YPEL2: variants seen among roughly 807,000 people sequenced by gnomAD.
YPEL2 encodes protein yippee-like 2.
A neutral mutation model predicts 19.1 loss-of-function variants in YPEL2; 2 were observed. The observed-to-expected ratio is 0.10, with a 90% confidence interval of 0.04 to 0.33. YPEL2 has a LOEUF of 0.33. Ranked by LOEUF, YPEL2 falls within the 10% of genes least tolerant of loss-of-function variation. The pLI, the probability that YPEL2 is intolerant of heterozygous loss-of-function variation, is 1.00. For missense variants in YPEL2, 66 were observed against 140.7 expected (o/e 0.47, Z 2.68); for synonymous variants, 52 against 50.0 (o/e 1.04, Z -0.17).
At chr17:59,339,235 A>G (rs2047715280) in intron 1 of YPEL2, among the ~76,000 whole-genome samples, 2 of 151,868 alleles carry the variant, frequency 1.3e-5, no homozygotes, top group South Asian at 4.1e-4. Context: ...AACTTTCAGG[A>G]CAGGTTACGT....
In YPEL2 at chr17:59,331,823, G is replaced by A. The variant is rs1330819087; in HGVS notation, c.-197G>A. 2.0e-5 allele frequency: 3 copies of A among 151,694 alleles called. No individual in the cohort carries two copies. Among genetic ancestry groups the A allele is most frequent in the Non-Finnish European group, 4.4e-5 (3 of 67,908 alleles). The allele number at this position is 151,694 out of a possible 1,614,324, so 9.4% of individuals were successfully genotyped here. On this transcript the variant is annotated splice_region_variant and 5_prime_UTR_variant, in exon 1 of 5. Transcript: ENST00000312655. The stretch of plus-strand genomic sequence containing the variant: ...TGGCCGGACAGGGCCGCCTGTCGCC[G>A]GGTAAGTGCACCGGAGTGCGGCGCG...
rs1228546809 is a variant in YPEL2, at chr17:59,400,047, AG to A, written c.*2859del. The A allele has an allele frequency of 2.6e-5, 4 of 152,656 alleles. No homozygotes were observed. The highest frequency in any genetic ancestry group is 5.9e-5 in the Non-Finnish European group (4 of 68,090). 9.5% of individuals were successfully genotyped at this position (152,656 alleles called of 1,614,324 possible). On this transcript the variant is annotated 3_prime_UTR_variant, in exon 5 of 5. Coordinates refer to ENST00000312655, the MANE Select transcript of YPEL2 (RefSeq NM_001005404.4). ...AGCTCCATCTCCCCTGTGCCACCCT[AG>A]GTCATATGACCTTGGCCACCTTGGA...
At chr17:59,378,131 G>T (rs1481613857) in intron 2 of YPEL2, among the ~76,000 whole-genome samples, 1 of 152,020 alleles carries the variant, frequency 6.6e-6, no homozygotes, top group African/African-American at 2.4e-5. Flanking sequence ...TGAACATCAG[G>T]CAACACGACA....
In YPEL2 at chr17:59,369,840, C is replaced by CT. The variant is rs1251689944; in HGVS notation, c.117+16318dup. ...AAGGAAACAGCTCTTTGGAGGCCTT[C>CT]TTTTAATTATCCTAACAATAGCCAT... On this transcript the variant is annotated intron_variant, in intron 2 of 4. Transcript: ENST00000312655. Among the ~76,000 whole-genome samples the CT allele has an allele frequency of 3.3e-5, 5 of 152,206 alleles. No homozygotes were observed. The East Asian group carries it at 9.6e-4, about 29-fold the overall frequency.
At chr17:59,389,302 G>C (rs2047996293) in intron 3 of YPEL2, 58 bp from the exon 4 acceptor site, 1 of 1,478,968 alleles carries the variant, frequency 6.8e-7, no homozygotes, top group Non-Finnish European at 9.3e-7. Flanking sequence ...AGCTCAGCTT[G>C]AATGCCTGAT....
At chr17:59,374,791 C>A (rs2047912615) in intron 2 of YPEL2, among the ~76,000 whole-genome samples, 1 of 152,070 alleles carries the variant, frequency 6.6e-6, no homozygotes, top group African/African-American at 2.4e-5. Flanking sequence ...AACTTTTGAC[C>A]CGAAAGCCGA....
At chr17:59,380,653 A>C (rs2047944760) in intron 2 of YPEL2, among the ~76,000 whole-genome samples, 1 of 152,224 alleles carries the variant, frequency 6.6e-6, no homozygotes, top group Non-Finnish European at 1.5e-5. Flanking sequence ...TGTGGCTCAG[A>C]GAGGTTAATG....
chr17:59,342,422 CA>C (rs765370774), intron 1 of YPEL2, among the ~76,000 whole-genome samples: 34 of 152,226 alleles, frequency 2.2e-4, no homozygotes, highest in Non-Finnish European at 4.3e-4. Flanking sequence ...TGGACGAGGC[CA>C]GGGGGAGGGT....
intron 2 of YPEL2, among the ~76,000 whole-genome samples, chr17:59,367,628 A>G (rs1439356850): frequency 1.3e-5 from 2 of 152,232 alleles, no homozygotes; most frequent in Non-Finnish European, 2.9e-5. Context: ...GTGTTGGAGA[A>G]ATAGGTTTCT....
chr17:59,368,742 T>C (rs1191670929), intron 2 of YPEL2, among the ~76,000 whole-genome samples: 3 of 152,324 alleles, frequency 2.0e-5, no homozygotes, highest in East Asian at 3.9e-4. Flanking sequence ...TTCTGGATGC[T>C]GTGAGGAGCT....
Position 59,401,405 on chromosome 17 carries a change from C to T in YPEL2, c.*4215C>T, listed in dbSNP as rs1234170420. On this transcript the variant is annotated 3_prime_UTR_variant, in exon 5 of 5. Transcript: ENST00000312655. ...CTCATGTTACCAAATTCTATCTGCG[C>T]ATATGTTTTTGTATAACATTTCGGT... 1.3e-5 allele frequency: 2 copies of T among 152,638 alleles called. No individual in the cohort carries two copies. The highest frequency in any genetic ancestry group is 4.8e-5 in the African/African-American group (2 of 41,460). 9.5% of individuals were successfully genotyped at this position (152,638 alleles called of 1,614,324 possible). A position where few individuals can be genotyped will look rare whatever the true frequency, so the allele number is the denominator to read the frequency against.
rs72831256 is a variant in YPEL2, at chr17:59,343,212, C to T, written c.-195-10003C>T. Among the ~76,000 whole-genome samples the T allele has an allele frequency of 4.8e-3, 734 of 152,300 alleles. 5 individuals are homozygous for T. The highest frequency in any genetic ancestry group is 7.7e-3 in the Non-Finnish European group (523 of 68,032). ...GCCCAGATTGGATATTTTAAATGTACTGGAGAGTGGCAAACTGAGTAAGGT... is the reference window on the plus strand; with the variant it reads ...GCCCAGATTGGATATTTTAAATGTATTGGAGAGTGGCAAACTGAGTAAGGT... On this transcript the variant is annotated intron_variant, in intron 1 of 4. Transcript: ENST00000312655.
At chr17:59,369,146 T>G (rs537096261) in intron 2 of YPEL2, among the ~76,000 whole-genome samples, 165 of 152,246 alleles carry the variant, frequency 1.1e-3, no homozygotes, top group Non-Finnish European at 1.8e-3. Flanking sequence ...AAGCGGGCAA[T>G]TGCAACTCCC....
chr17:59,334,571 A>AACACACAC (rs35386954), intron 1 of YPEL2, among the ~76,000 whole-genome samples: 4,179 of 145,182 alleles, frequency 0.029, 210 homozygotes, highest in African/African-American at 0.097. Flanking sequence ...TTCAGGCACA[A>AACACACAC]ACACACACAC....
Position 59,353,403 on chromosome 17 carries a change from A to G in YPEL2, c.-7A>G. 2 of 1,573,638 alleles carry G rather than the reference A, an allele frequency of 1.3e-6. No homozygotes were observed. Among genetic ancestry groups the G allele is most frequent in the South Asian group, 1.2e-5 (1 of 82,968 alleles). On this transcript the variant is annotated 5_prime_UTR_variant, in exon 2 of 5. Transcript: ENST00000312655. The surrounding 1 kb of genome is among the most constrained non-coding windows in gnomAD (Gnocchi z 4.8). ...CCCCAGAGTTCACCCCACACTCAGCAGCACCAATGGTGAAGATGACAAGAT... is the reference window on the plus strand; with the variant it reads ...CCCCAGAGTTCACCCCACACTCAGCGGCACCAATGGTGAAGATGACAAGAT...
At chr17:59,352,805 G>A (rs895056177) in intron 1 of YPEL2, among the ~76,000 whole-genome samples, 19 of 152,180 alleles carry the variant, frequency 1.2e-4, no homozygotes, top group Non-Finnish European at 1.5e-5. Context: ...GTTGGATGTG[G>A]TGAACCTCTA....
intron 1 of YPEL2, among the ~76,000 whole-genome samples, chr17:59,332,664 G>A (rs966428886): frequency 6.6e-6 from 1 of 152,194 alleles, no homozygotes; most frequent in African/African-American, 2.4e-5. Flanking sequence ...TTCTTGTCCG[G>A]AAGATTGCTA....
chr17:59,353,219 C>A lies in YPEL2; in HGVS notation c.-191C>A. 1 of 517,270 alleles carries A rather than the reference C, an allele frequency of 1.9e-6. No individual in the cohort carries two copies. Among genetic ancestry groups the A allele is most frequent in the South Asian group, 2.8e-5 (1 of 35,996 alleles). 32.0% of individuals were successfully genotyped at this position (517,270 alleles called of 1,614,324 possible). ...CCTCTTCCCTTGATGTTACAGGCTG[C>A]TGAGAACTAGCCCTAGACCTCTGCG... On this transcript the variant is annotated 5_prime_UTR_variant, in exon 2 of 5. In the 5' UTR this introduces an upstream ATG that the reference lacks. Transcript: ENST00000312655. The surrounding 1 kb of genome is among the most constrained non-coding windows in gnomAD (Gnocchi z 4.8).
intron 2 of YPEL2, among the ~76,000 whole-genome samples, chr17:59,382,861 T>G (rs1359093620): frequency 6.6e-6 from 1 of 152,210 alleles, no homozygotes; most frequent in Non-Finnish European, 1.5e-5. Flanking sequence ...CAGGCTGGTC[T>G]CAAACTCCTG....
Sources: gnomAD v4.1 joint callset for allele counts (sites outside exome capture counted in the v4.1 genomes callset) on GRCh38, gnomAD v4.1.1 for gene constraint, Gnocchi (gnomAD v3.1) non-coding constraint, MANE v1.5 for transcripts, NCBI Gene and HGNC (gene_info 2026-07-23, HGNC 2026-07-21) for gene names.